UBR3: variants seen among roughly 807,000 people sequenced by gnomAD.
UBR3 encodes the protein ubiquitin protein ligase E3 component n-recognin 3, also known as E3 ubiquitin-protein ligase UBR3.
UBR3 carries 85 observed loss-of-function variants against 243.2 expected under a neutral mutation model. The observed-to-expected ratio is 0.35, with a 90% CI of 0.29 to 0.42. The LOEUF (loss-of-function observed/expected upper bound fraction) is 0.42. Among genes scored for constraint, UBR3 ranks in the 10% least tolerant of loss-of-function variants. The pLI is 1.00. For synonymous variants in UBR3, 748 were observed against 799.8 expected, an observed-to-expected ratio of 0.94 and a Z score of 1.09; for missense variants, 1,686 against 2,300.8, an observed-to-expected ratio of 0.73 and a Z score of 5.47.
rs1018920458 is a variant in UBR3, at chr2:170,083,846, T to C, written c.*2003T>C. On this transcript the variant is annotated 3_prime_UTR_variant, in exon 39 of 39. Transcript: ENST00000272793. ...AATTGTACTTGAATACATACATGCATGCTGCTAAACTAGAACTTTAATTTT... is the reference window on the plus strand; with the variant it reads ...AATTGTACTTGAATACATACATGCACGCTGCTAAACTAGAACTTTAATTTT... 1 of 152,604 alleles carries C rather than the reference T, an allele frequency of 6.6e-6. No homozygotes were observed. Among genetic ancestry groups the C allele is most frequent in the African/African-American group, 2.4e-5 (1 of 41,448 alleles). 9.5% of individuals were successfully genotyped at this position (152,604 alleles called of 1,614,324 possible).
chr2:169,916,463 G>A (rs374731171), intron 11 of UBR3, among the ~76,000 whole-genome samples: 19 of 151,650 alleles, frequency 1.3e-4, no homozygotes, highest in Admixed American at 7.9e-4. Context: ...TTTCCCACAC[G>A]TGGACACCCT....
chr2:170,046,836 T>G (rs1425035202), intron 32 of UBR3, among the ~76,000 whole-genome samples: 2 of 152,078 alleles, frequency 1.3e-5, no homozygotes, highest in Non-Finnish European at 2.9e-5. Flanking sequence ...TCTCCAAAGA[T>G]GATTGCTTTT....
intron 10 of UBR3, among the ~76,000 whole-genome samples, chr2:169,913,006 C>G (rs2085313729): frequency 6.6e-6 from 1 of 152,180 alleles, no homozygotes; most frequent in Non-Finnish European, 1.5e-5. Context: ...TAGTCTTGAA[C>G]TCCTGGCCTC....
At chr2:169,954,758 A>G (rs1011607685) in intron 23 of UBR3, among the ~76,000 whole-genome samples, 1 of 151,948 alleles carries the variant, frequency 6.6e-6, no homozygotes, top group East Asian at 1.9e-4. Context: ...TATTTTTAGT[A>G]GAGACAGGGT....
intron 25 of UBR3, among the ~76,000 whole-genome samples, chr2:169,992,582 A>C (rs571105906): frequency 1.1e-4 from 16 of 152,186 alleles, no homozygotes; most frequent in African/African-American, 3.6e-4. Context: ...GGTAGCATCT[A>C]CCAGCTTTTG....
At chr2:170,025,863 A>G (rs2090515489) in intron 30 of UBR3, among the ~76,000 whole-genome samples, 1 of 152,202 alleles carries the variant, frequency 6.6e-6, no homozygotes, top group Non-Finnish European at 1.5e-5. Context: ...AAATTCACTC[A>G]AGTAAGAGTG....
chr2:169,956,210 C>G (rs1312200394), intron 23 of UBR3, among the ~76,000 whole-genome samples: 1 of 149,438 alleles, frequency 6.7e-6, no homozygotes, highest in African/African-American at 2.5e-5. Context: ...ATAACTCTCT[C>G]TCTCTCTCTC....
At chr2:169,951,056 C>G (rs2087005796) in intron 23 of UBR3, among the ~76,000 whole-genome samples, 1 of 152,076 alleles carries the variant, frequency 6.6e-6, no homozygotes, top group South Asian at 2.1e-4. Flanking sequence ...ACAAATTTGT[C>G]TACCAAAGCA....
intron 1 of UBR3, among the ~76,000 whole-genome samples, chr2:169,856,560 C>T (rs1237262942): frequency 1.3e-5 from 2 of 152,198 alleles, no homozygotes; most frequent in Admixed American, 1.3e-4. Context: ...ACTGAGTGAG[C>T]GAGACTCCGT....
Position 169,931,264 on chromosome 2 carries a change from T to C in UBR3, c.2567-1648T>C, listed in dbSNP as rs535169791. Among the ~76,000 whole-genome samples, 8 of 141,284 alleles carry C rather than the reference T, an allele frequency of 5.7e-5. No homozygotes were observed. The South Asian group carries it at 6.8e-4, about 12-fold the overall frequency. 92.7% of individuals were successfully genotyped at this position (141,284 alleles called of 152,430 possible). On this transcript the variant is annotated intron_variant, in intron 18 of 38. Coordinates refer to ENST00000272793, the MANE Select transcript of UBR3 (RefSeq NM_172070.4). ...AACTCAGGAGGCTGAGGCAGGAGAA[T>C]GGCGTGAACCTGGGAGGCGGAGCTT...
intron 5 of UBR3, among the ~76,000 whole-genome samples, chr2:169,890,525 G>C (rs1383872682): frequency 2.9e-5 from 2 of 67,878 alleles, no homozygotes; most frequent in Non-Finnish European, 2.7e-5. Context: ...GGTTTTTCTA[G>C]GAGAGAGAGA....
At chr2:169,949,231 G>A (rs1446269495) in intron 22 of UBR3, among the ~76,000 whole-genome samples, 1 of 152,060 alleles carries the variant, frequency 6.6e-6, no homozygotes, top group Non-Finnish European at 1.5e-5. Context: ...TCTTCCAGAA[G>A]TTAGTAAGGA....
At chr2:169,833,329 G>T (rs1459589337) in intron 1 of UBR3, among the ~76,000 whole-genome samples, 2 of 152,182 alleles carry the variant, frequency 1.3e-5, no homozygotes, top group Non-Finnish European at 2.9e-5. Context: ...AGAATGAGGA[G>T]TTTCATGTTC....
At chr2:169,984,358 C>A (rs1422622450) in intron 24 of UBR3, among the ~76,000 whole-genome samples, 4 of 152,110 alleles carry the variant, frequency 2.6e-5, no homozygotes, top group Non-Finnish European at 5.9e-5. Flanking sequence ...AAACCAGCAT[C>A]CAAATTGAGA....
At chr2:170,049,016 AC>A (rs567841914) in intron 32 of UBR3, among the ~76,000 whole-genome samples, 109 of 152,306 alleles carry the variant, frequency 7.2e-4, no homozygotes, top group Non-Finnish European at 1.3e-3. Flanking sequence ...GTATGTATGT[AC>A]AGTTGACCCT....
rs748681143 is a variant in UBR3, at chr2:169,958,556, C to G, written c.3634+30C>G. 2.6e-6 allele frequency: 4 copies of G among 1,568,214 alleles called. No homozygotes were observed. In the African/African-American group the frequency reaches 5.4e-5, roughly 21 times the overall value. ...GTCAAAATTATTAGTTTAGAACTCT[C>G]ATAATTATACTTATTACTTTAGGGA... On this transcript the variant is annotated intron_variant, in intron 24 of 38. Transcript: ENST00000272793.
intron 32 of UBR3, among the ~76,000 whole-genome samples, chr2:170,041,777 A>C (rs2090973792): frequency 6.6e-6 from 1 of 152,222 alleles, no homozygotes; most frequent in Non-Finnish European, 1.5e-5. Context: ...TACAAACTCC[A>C]GCTTGATCTT....
At chr2:169,976,008 T>C (rs1310784298) in intron 24 of UBR3, among the ~76,000 whole-genome samples, 1 of 152,112 alleles carries the variant, frequency 6.6e-6, no homozygotes, top group Non-Finnish European at 1.5e-5. Flanking sequence ...GTTTTTCTTT[T>C]TCATTTGCTT....
rs191901015 is a variant in UBR3 at position 169,971,832 on chromosome 2, C to A, written c.3634+13306C>A. Among the ~76,000 whole-genome samples, 13 of 152,186 alleles carry A rather than the reference C, an allele frequency of 8.5e-5. 1 individual carries two copies. In the East Asian group the frequency reaches 2.5e-3, roughly 29 times the overall value. On this transcript the variant is annotated intron_variant, in intron 24 of 38. Transcript: ENST00000272793. ...AAGCAGGAAAGATCCAAAATTGACA[C>A]CCTAACATTCACAATTAAAAGAACT...
Sources: allele counts gnomAD v4.1 joint callset (sites outside exome capture counted in the v4.1 genomes callset), GRCh38; gene constraint gnomAD v4.1.1; transcripts MANE v1.5; gene names NCBI Gene and HGNC (gene_info 2026-07-23, HGNC 2026-07-21).